ITGB1: variants seen among roughly 807,000 people sequenced by gnomAD.
ITGB1 encodes the protein integrin beta-1.
A neutral mutation model predicts 86.5 loss-of-function variants in ITGB1; 24 were observed. The observed-to-expected ratio is 0.28, with a 90% CI of 0.20 to 0.39. The LOEUF (loss-of-function observed/expected upper bound fraction) is 0.39, where lower values mean the gene tolerates loss of function less well. Among genes scored for constraint, ITGB1 ranks in the 10% least tolerant of loss-of-function variants. The probability of loss-of-function intolerance (pLI) is 1.00; values close to 1 mark genes in which losing one functional copy is unlikely to be tolerated. For missense variants in ITGB1, 556 were observed against 946.9 expected (o/e 0.59, Z 5.42); for synonymous variants, 323 against 316.8 (o/e 1.02, Z -0.21).
intron 11 of ITGB1, among the ~76,000 whole-genome samples, chr10:32,916,995 T>C (rs1236306109): frequency 2.6e-5 from 4 of 152,144 alleles, no homozygotes; most frequent in Non-Finnish European, 5.9e-5. Context: ...AAAACAGAGA[T>C]ATAGACCTAT....
intron 1 of ITGB1, among the ~76,000 whole-genome samples, chr10:32,940,369 A>G (rs1351514995): frequency 6.6e-6 from 1 of 152,080 alleles, no homozygotes; most frequent in Non-Finnish European, 1.5e-5. Context: ...AATTAACAAT[A>G]TAGTGCAGTA....
chr10:32,937,600 T>TTG (rs1199984884), intron 1 of ITGB1, among the ~76,000 whole-genome samples: 1 of 148,124 alleles, frequency 6.8e-6, no homozygotes, highest in African/African-American at 2.5e-5. Flanking sequence ...TAATTTTGGA[T>TTG]GTAAAGTACA....
chr10:32,930,689 A>C (rs111508767), intron 3 of ITGB1, among the ~76,000 whole-genome samples: 35 of 152,316 alleles, frequency 2.3e-4, no homozygotes, highest in African/African-American at 8.2e-4. Flanking sequence ...AAAAGGAGTA[A>C]GTATATGACA....
At chr10:32,952,331 A>C (rs563621530) in intron 1 of ITGB1, among the ~76,000 whole-genome samples, 12 of 152,270 alleles carry the variant, frequency 7.9e-5, no homozygotes, top group African/African-American at 2.9e-4. Context: ...AATGTTTCTC[A>C]ATCTTTTTAA....
chr10:32,918,068 A>G (rs1320850036), intron 11 of ITGB1, among the ~76,000 whole-genome samples: 1 of 152,194 alleles, frequency 6.6e-6, no homozygotes, highest in Non-Finnish European at 1.5e-5. Context: ...GCTGGAAACC[A>G]TCATTCTGAG....
intron 2 of ITGB1, 137 bp downstream of exon 2, chr10:32,935,355 G>C (rs1042753449): frequency 8.2e-6 from 5 of 606,484 alleles, no homozygotes; most frequent in South Asian, 2.1e-5. Flanking sequence ...ACCTTTCTCT[G>C]AGTAAGAGGA....
At chr10:32,939,683 C>T (rs983273884) in intron 1 of ITGB1, among the ~76,000 whole-genome samples, 3 of 151,964 alleles carry the variant, frequency 2.0e-5, no homozygotes, top group African/African-American at 7.3e-5. Context: ...ATGAATATAG[C>T]TTGCAGGACT....
chr10:32,913,834 T>C (rs182363471), intron 11 of ITGB1, among the ~76,000 whole-genome samples: 4 of 152,064 alleles, frequency 2.6e-5, no homozygotes, highest in East Asian at 1.9e-4. Flanking sequence ...AGATACTCCT[T>C]GAGAAGAGCA....
intron 1 of ITGB1, among the ~76,000 whole-genome samples, chr10:32,941,473 G>A (rs1287880045): frequency 2.6e-5 from 4 of 152,162 alleles, no homozygotes; most frequent in African/African-American, 9.7e-5. Flanking sequence ...TAAATTATGA[G>A]TTGGAAATAA....
intron 14 of ITGB1, among the ~76,000 whole-genome samples, chr10:32,909,926 A>T (rs2137166362): frequency 6.6e-6 from 1 of 152,312 alleles, no homozygotes; most frequent in East Asian, 1.9e-4. Flanking sequence ...AAAACTCTTA[A>T]TATGCACTTG....
At chr10:32,912,464 C>T (rs1017321563) in intron 11 of ITGB1, among the ~76,000 whole-genome samples, 20 of 152,202 alleles carry the variant, frequency 1.3e-4, no homozygotes, top group Non-Finnish European at 2.9e-5. Context: ...TTTTCCAATG[C>T]TCTTAGAAAA....
At chr10:32,936,261 C>G (rs527844602) in intron 1 of ITGB1, 5 of 152,166 alleles carry the variant, frequency 3.3e-5, no homozygotes, top group African/African-American at 1.2e-4. Context: ...ATGGAGAAAC[C>G]CCAGCTCTAC....
chr10:32,918,998 A>C (rs1224598402), intron 11 of ITGB1, among the ~76,000 whole-genome samples: 1 of 152,232 alleles, frequency 6.6e-6, no homozygotes, highest in Non-Finnish European at 1.5e-5. Context: ...ATATAAAGGA[A>C]AGAAAGGCAA....
intron 1 of ITGB1, among the ~76,000 whole-genome samples, chr10:32,939,376 A>G: frequency 6.6e-6 from 1 of 152,148 alleles, no homozygotes; most frequent in East Asian, 1.9e-4. Flanking sequence ...CAGTACCTTC[A>G]TGTGTCATTT....
chr10:32,911,775 G>T, intron 12 of ITGB1, 105 bp from the exon 13 acceptor site: 1 of 1,421,310 alleles, frequency 7.0e-7, no homozygotes, highest in East Asian at 2.3e-5. Flanking sequence ...ACCTAGGGGC[G>T]AGACTGACCC....
rs1430675361 is a variant in ITGB1, at chr10:32,958,202, C to T, written c.-58G>A. On this transcript the variant is annotated 5_prime_UTR_variant, in exon 1 of 16. Transcript: ENST00000302278. ...TGGGCTCGGGCCTGCTGTTCCGCGA[C>T]TCCCGCTGGGCCTCTCCCGCGGGCT... is the stretch of plus-strand genomic sequence containing the variant. 7 of 151,538 alleles carry T rather than the reference C, an allele frequency of 4.6e-5. No homozygotes were observed. Among genetic ancestry groups the T allele is most frequent in the Non-Finnish European group, 8.8e-5 (6 of 67,856 alleles). The allele number at this position is 151,538 out of a possible 1,614,324, so 9.4% of individuals were successfully genotyped here. A position where few individuals can be genotyped will look rare whatever the true frequency, so the allele number is the denominator to read the frequency against.
In ITGB1 at chr10:32,912,103, A is replaced by G. The variant is rs756927702; in HGVS notation, c.1491T>C (p.Gly497=). ...GACRCNEGRV[G]RHCECSTDEV... is the part of the protein sequence containing the mutation. ...CATCTGTGCTGCATTCACAATGTCT[A>G]CCAACACGCCCTTCATTGCACCTGA... Residue 497 remains glycine (G), a synonymous_variant, in exon 12 of 16, where the codon GGT becomes GGC. Coordinates refer to ENST00000302278, the MANE Select transcript of ITGB1 (RefSeq NM_002211.4). 20 of 1,613,190 alleles carry G rather than the reference A, an allele frequency of 1.2e-5. No individual in the cohort carries two copies. Among genetic ancestry groups the G allele is most frequent in the Non-Finnish European group, 1.7e-5 (20 of 1,179,380 alleles).
At chr10:32,924,646 C>T (rs1462900792) in intron 6 of ITGB1, among the ~76,000 whole-genome samples, 1 of 152,104 alleles carries the variant, frequency 6.6e-6, no homozygotes, top group Non-Finnish European at 1.5e-5. Flanking sequence ...TTAGAGGCAG[C>T]CCAGAGAATG....
At chr10:32,937,049 T>G (rs1295578297) in intron 1 of ITGB1, among the ~76,000 whole-genome samples, 2 of 152,064 alleles carry the variant, frequency 1.3e-5, no homozygotes, top group African/African-American at 2.4e-5. Context: ...ATAAAAAAAT[T>G]TCTACCCTCT....
Sources: gnomAD v4.1 joint callset for allele counts (sites outside exome capture counted in the v4.1 genomes callset) on GRCh38, gnomAD v4.1.1 for gene constraint, MANE v1.5 for transcripts, NCBI Gene and HGNC (gene_info 2026-07-23, HGNC 2026-07-21) for gene names.